UNC13C: variants seen among roughly 807,000 people sequenced by gnomAD.
UNC13C encodes unc-13 homolog C, also known as protein unc-13 homolog C.
In UNC13C, 174 loss-of-function variants were observed where a neutral mutation model predicts 245.4. The ratio of observed to expected loss-of-function variants is 0.71; its 90% CI spans 0.63 to 0.80. The LOEUF (loss-of-function observed/expected upper bound fraction) is 0.80, where lower values mean the gene tolerates loss of function less well. Among genes scored for constraint, UNC13C ranks in the 30% least tolerant of loss-of-function variants. The pLI, the probability that UNC13C is intolerant of heterozygous loss-of-function variation, is 0.00. For missense variants in UNC13C, 2,829 were observed against 2,602.9 expected (o/e 1.09, Z -1.89); for synonymous variants, 992 against 895.1 (o/e 1.11, Z -1.93).
chr15:53,849,810 C>G, the UNC13C span, among the ~76,000 whole-genome samples: 2 of 152,080 alleles, frequency 1.3e-5, no homozygotes, highest in Admixed American at 6.6e-5. Flanking sequence ...ACATTGGCAA[C>G]TAAGGGCTCT....
chr15:54,199,444 G>A (rs541775397), intron 4 of UNC13C, among the ~76,000 whole-genome samples: 1 of 152,080 alleles, frequency 6.6e-6, no homozygotes, highest in East Asian at 1.9e-4. Flanking sequence ...GTGACGTAAA[G>A]CATCAGGTAA....
the UNC13C span, among the ~76,000 whole-genome samples, chr15:53,958,327 A>G: frequency 2.0e-5 from 3 of 152,204 alleles, no homozygotes; most frequent in Non-Finnish European, 4.4e-5. Context: ...AGGGTTTCAT[A>G]TGACTGCCTA....
At chr15:54,234,678 C>T (rs1276581557) in intron 4 of UNC13C, among the ~76,000 whole-genome samples, 5 of 152,132 alleles carry the variant, frequency 3.3e-5, no homozygotes, top group Non-Finnish European at 7.4e-5. Flanking sequence ...CAAACTTGCA[C>T]CAAAAATGGT....
the UNC13C span, among the ~76,000 whole-genome samples, chr15:53,924,855 G>T: frequency 6.6e-6 from 1 of 152,136 alleles, no homozygotes; most frequent in Non-Finnish European, 1.5e-5. Context: ...AATAAATTCT[G>T]TTGATACCAA....
chr15:54,244,485 A>G (rs1407470498), intron 7 of UNC13C, among the ~76,000 whole-genome samples: 1 of 152,182 alleles, frequency 6.6e-6, no homozygotes, highest in African/African-American at 2.4e-5. Context: ...AATTTTTAAA[A>G]AGTTTCTTCT....
intron 4 of UNC13C, among the ~76,000 whole-genome samples, chr15:54,167,395 G>T (rs910766098): frequency 6.6e-6 from 1 of 150,846 alleles, no homozygotes; most frequent in African/African-American, 2.4e-5. Flanking sequence ...CCAGCTACTC[G>T]GGAGGCTGAG....
At chr15:54,175,025 A>G (rs900666890) in intron 4 of UNC13C, among the ~76,000 whole-genome samples, 12 of 152,152 alleles carry the variant, frequency 7.9e-5, no homozygotes, top group Non-Finnish European at 1.3e-4. Flanking sequence ...TAAGCATGCT[A>G]TCCCAGTGGT....
At chr15:54,542,178 T>C (rs1392410659) in intron 26 of UNC13C, among the ~76,000 whole-genome samples, 1 of 152,134 alleles carries the variant, frequency 6.6e-6, no homozygotes, top group Non-Finnish European at 1.5e-5. Context: ...TTTAAAGATA[T>C]TTTACTTTGT....
At chr15:54,104,899 A>C (rs956463448) in intron 2 of UNC13C, among the ~76,000 whole-genome samples, 1 of 152,062 alleles carries the variant, frequency 6.6e-6, no homozygotes. Flanking sequence ...TGGTAACTGG[A>C]GAGTTACACT....
intron 18 of UNC13C, among the ~76,000 whole-genome samples, chr15:54,408,199 C>CAAACAAAAA (rs2040342653): frequency 3.4e-5 from 1 of 29,130 alleles, no homozygotes; most frequent in Non-Finnish European, 7.6e-5. Context: ...GACTCTGCCT[C>CAAACAAAAA]AAAAAAAAAA....
At chr15:54,277,773 T>A (rs570636898) in intron 10 of UNC13C, among the ~76,000 whole-genome samples, 1 of 152,320 alleles carries the variant, frequency 6.6e-6, no homozygotes, top group African/African-American at 2.4e-5. Flanking sequence ...ATTTTTCAAT[T>A]GCATGTTCAA....
chr15:54,302,388 T>C (rs1238456304), intron 13 of UNC13C, among the ~76,000 whole-genome samples: 1 of 152,192 alleles, frequency 6.6e-6, no homozygotes, highest in Non-Finnish European at 1.5e-5. Context: ...TGAATGGAAT[T>C]GTCTAGGTTT....
At chr15:54,043,404 A>T (rs556498755) in intron 2 of UNC13C, among the ~76,000 whole-genome samples, 1 of 152,234 alleles carries the variant, frequency 6.6e-6, no homozygotes, top group Admixed American at 6.5e-5. Context: ...TTTGAAGCCC[A>T]GTCAAAGTTT....
the UNC13C span, among the ~76,000 whole-genome samples, chr15:53,848,332 G>A: frequency 6.6e-6 from 1 of 151,956 alleles, no homozygotes; most frequent in Non-Finnish European, 1.5e-5. Context: ...ATTATGTCAT[G>A]TTTTCATTTT....
Position 54,361,824 on chromosome 15 carries a change from T to C in UNC13C, c.4713+23335T>C, listed in dbSNP as rs77137845. ...CTGCATCAGAACTGAATTGCTGCTC[T>C]GCTATTATTTCCCAGTCTGGGGAAG... is the stretch of plus-strand genomic sequence containing the variant. On this transcript the variant is annotated intron_variant, in intron 17 of 32. Transcript: ENST00000260323. Among the ~76,000 whole-genome samples the C allele has an allele frequency of 4.2e-3, 644 of 152,364 alleles. 30 individuals carry two copies. In the East Asian group the frequency reaches 0.09, roughly 21 times the overall value.
chr15:54,185,752 G>A (rs1265529611), intron 4 of UNC13C, among the ~76,000 whole-genome samples: 6 of 150,550 alleles, frequency 4.0e-5, no homozygotes, highest in Non-Finnish European at 5.9e-5. Context: ...TGGGCAATGC[G>A]GGATCTTTTT....
At chr15:54,560,511 G>T (rs955840027) in intron 29 of UNC13C, among the ~76,000 whole-genome samples, 9 of 151,708 alleles carry the variant, frequency 5.9e-5, no homozygotes, top group Non-Finnish European at 1.2e-4. Context: ...TGAAGAAAAA[G>T]AAAATCTAGT....
At chr15:54,455,255 A>T (rs1440959107) in intron 19 of UNC13C, among the ~76,000 whole-genome samples, 10 of 110,196 alleles carry the variant, frequency 9.1e-5, no homozygotes, top group Non-Finnish European at 3.7e-5. Context: ...TAATCCACTC[A>T]TTGGTAGATG....
At chr15:53,976,371 T>C (rs1053411283), upstream of UNC13C, among the ~76,000 whole-genome samples, 2 of 152,040 alleles carry the variant, frequency 1.3e-5, no homozygotes, top group Non-Finnish European at 2.9e-5. Context: ...CCTGGTGTGA[T>C]TCATTTCCTC....
Sources: gnomAD v4.1 joint callset for allele counts (sites outside exome capture counted in the v4.1 genomes callset) on GRCh38, gnomAD v4.1.1 for gene constraint, MANE v1.5 for transcripts, NCBI Gene and HGNC (gene_info 2026-07-23, HGNC 2026-07-21) for gene names.